The following RAP1GAP2 variants were observed in gnomAD, a reference collection of about 807,000 sequenced individuals.
RAP1GAP2 encodes the protein RAP1 GTPase activating protein 2, also known as rap1 GTPase-activating protein 2.
A neutral mutation model predicts 95.0 loss-of-function variants in RAP1GAP2; 27 were observed. That is an observed-to-expected ratio of 0.28 (90% confidence interval 0.21 to 0.39). RAP1GAP2 has a LOEUF of 0.39. Ranked by LOEUF, RAP1GAP2 falls within the 10% of genes least tolerant of loss-of-function variation. The probability of loss-of-function intolerance (pLI) is 1.00; values close to 1 mark genes in which losing one functional copy is unlikely to be tolerated. For missense variants in RAP1GAP2, 771 were observed against 970.0 expected (o/e 0.79, Z 2.72); for synonymous variants, 373 against 380.9 (o/e 0.98, Z 0.24).
At chr17:2,911,074 G>A (rs1248413809) in intron 3 of RAP1GAP2, among the ~76,000 whole-genome samples, 2 of 152,102 alleles carry the variant, frequency 1.3e-5, no homozygotes, top group Non-Finnish European at 2.9e-5. Context: ...CTCATCTCAC[G>A]CTTGCGGGCC....
Position 2,903,122 on chromosome 17 carries a change from G to T in RAP1GAP2, c.81-2162G>T, listed in dbSNP as rs1057076652. On this transcript the variant is annotated intron_variant, in intron 2 of 24. Transcript: ENST00000254695. The surrounding 1 kb of genome is among the most constrained non-coding windows in gnomAD (Gnocchi z 4.1). ...GCCCTATAGCATCTGGTGGGGGCTT[G>T]TTTTACTTCCCCTCCCTGCGTGCTT... Among the ~76,000 whole-genome samples, 1 of 152,164 alleles carries T rather than the reference G, an allele frequency of 6.6e-6. No homozygotes were observed. The highest frequency in any genetic ancestry group is 2.4e-5 in the African/African-American group (1 of 41,438).
chr17:2,933,807 A>C (rs2043226713), intron 3 of RAP1GAP2, among the ~76,000 whole-genome samples: 1 of 152,140 alleles, frequency 6.6e-6, no homozygotes, highest in Non-Finnish European at 1.5e-5. Flanking sequence ...GCTGAGCCCC[A>C]CTTTGGGGGA....
chr17:2,996,023 G>A lies in RAP1GAP2; in HGVS notation c.1044+557G>A, dbSNP rs114842131. 9.2e-3 allele frequency among the ~76,000 whole-genome samples: 1,401 copies of A among 152,294 alleles called. 17 individuals carry two copies. Among genetic ancestry groups the A allele is most frequent in the African/African-American group, 0.031 (1,302 of 41,542 alleles). ...ATACATTTCTGACTAGGGTTCATAC[G>A]ATGCCCAATTCATGGCTGGCTTCCT... On this transcript the variant is annotated intron_variant, in intron 13 of 24. Transcript: ENST00000254695.
At chr17:2,876,282 G>A (rs559803649) in intron 2 of RAP1GAP2, among the ~76,000 whole-genome samples, 92 of 152,160 alleles carry the variant, frequency 6.0e-4, no homozygotes, top group Non-Finnish European at 1.1e-3. Context: ...TAAAATATTC[G>A]AAGAGATTTA....
chr17:3,032,561 G>A, intron 24 of RAP1GAP2, 112 bp downstream of exon 24: 3 of 1,058,400 alleles, frequency 2.8e-6, no homozygotes, highest in Non-Finnish European at 2.9e-6. Context: ...GCCGCCAGCT[G>A]GGGATGTCCA....
chr17:2,761,184 A>G (rs910495219), intron 1 of RAP1GAP2, among the ~76,000 whole-genome samples: 1 of 148,958 alleles, frequency 6.7e-6, no homozygotes, highest in Non-Finnish European at 1.5e-5. Context: ...TGAACTCCTG[A>G]CCTTAAATGA....
At chr17:2,843,785 T>C (rs955658803) in intron 2 of RAP1GAP2, among the ~76,000 whole-genome samples, 6 of 152,150 alleles carry the variant, frequency 3.9e-5, no homozygotes, top group Non-Finnish European at 1.5e-5. Flanking sequence ...AGGTCACTAC[T>C]GGCCTTGCCT....
At chr17:2,995,647 G>A (rs115812867) in intron 13 of RAP1GAP2, among the ~76,000 whole-genome samples, 181 bp downstream of exon 13, 1 of 152,342 alleles carries the variant, frequency 6.6e-6, no homozygotes, top group African/African-American at 2.4e-5. Context: ...CTGTGCCTCA[G>A]CGGTCCGTTC....
chr17:2,998,408 G>C (rs1458579067), intron 14 of RAP1GAP2, 32 bp downstream of exon 14: 2 of 1,609,254 alleles, frequency 1.2e-6, no homozygotes, highest in Non-Finnish European at 1.7e-6. Context: ...AGGGAGTGGT[G>C]GGCCTCGACA....
intron 3 of RAP1GAP2, among the ~76,000 whole-genome samples, chr17:2,908,965 C>T (rs568909675): frequency 1.3e-5 from 2 of 152,232 alleles, no homozygotes; most frequent in South Asian, 4.1e-4. Context: ...CTTGACCTCC[C>T]AAAGTGCTGG....
intron 3 of RAP1GAP2, among the ~76,000 whole-genome samples, chr17:2,929,734 G>T (rs1256214989): frequency 6.6e-6 from 1 of 152,208 alleles, no homozygotes; most frequent in Non-Finnish European, 1.5e-5. Context: ...CTCCACGAAG[G>T]CAGTGGGCTC....
intron 1 of RAP1GAP2, among the ~76,000 whole-genome samples, chr17:2,766,558 C>T (rs1030725171): frequency 2.6e-5 from 4 of 151,740 alleles, no homozygotes; most frequent in Admixed American, 6.6e-5. Flanking sequence ...TGCTGTGAGC[C>T]GAGATCACGC....
chr17:2,992,703 G>A (rs533738063), intron 12 of RAP1GAP2, among the ~76,000 whole-genome samples: 1 of 152,272 alleles, frequency 6.6e-6, no homozygotes, highest in Admixed American at 6.5e-5. Context: ...GCACACAGCG[G>A]ATATTCACTA....
chr17:2,804,034 G>T (rs2069409914), intron 2 of RAP1GAP2, among the ~76,000 whole-genome samples: 1 of 152,216 alleles, frequency 6.6e-6, no homozygotes, highest in African/African-American at 2.4e-5. Flanking sequence ...AATTGATGAG[G>T]CAGCCAAATG....
chr17:2,764,197 T>G (rs1257177477), intron 1 of RAP1GAP2, among the ~76,000 whole-genome samples: 2 of 150,186 alleles, frequency 1.3e-5, no homozygotes, highest in African/African-American at 2.5e-5. Context: ...TTTGGGAGGC[T>G]GAGGCGGGTG....
In RAP1GAP2 at chr17:3,029,020, G is replaced by A. The variant is rs191787071; in HGVS notation, c.2108-1902G>A. On this transcript the variant is annotated intron_variant, in intron 22 of 24. Coordinates refer to ENST00000254695, the MANE Select transcript of RAP1GAP2 (RefSeq NM_015085.5). This position sits in a 1 kb window ranked among gnomAD's most constrained non-coding sequence, Gnocchi z 4.4. ...TCACCATGTTGGCCAGGCTGGTCTC[G>A]AACTCCTGACCTCGTGATCCACCCA... Among the ~76,000 whole-genome samples, 160 of 152,156 alleles carry A rather than the reference G, an allele frequency of 1.1e-3. No individual in the cohort carries two copies. Among genetic ancestry groups the A allele is most frequent in the Non-Finnish European group, 9.1e-4 (62 of 67,984 alleles).
At chr17:2,951,780 TC>T (rs2043932860) in intron 3 of RAP1GAP2, among the ~76,000 whole-genome samples, 1 of 152,026 alleles carries the variant, frequency 6.6e-6, no homozygotes, top group Non-Finnish European at 1.5e-5. Context: ...ACGCCTGTAA[TC>T]CCAGCACTTG....
intron 1 of RAP1GAP2, among the ~76,000 whole-genome samples, chr17:2,765,361 C>A (rs1263539866): frequency 6.6e-6 from 1 of 152,106 alleles, no homozygotes; most frequent in East Asian, 1.9e-4. Context: ...TAGCTAACAC[C>A]TGTAATCCCA....
chr17:2,853,762 C>CG (rs2071995470), intron 2 of RAP1GAP2, among the ~76,000 whole-genome samples: 1 of 147,032 alleles, frequency 6.8e-6, no homozygotes, highest in African/African-American at 2.4e-5. Context: ...ATGCCCGCGC[C>CG]GGGGGAGCGG....
Sources: gnomAD v4.1 joint callset for allele counts (sites outside exome capture counted in the v4.1 genomes callset) on GRCh38, gnomAD v4.1.1 for gene constraint, Gnocchi (gnomAD v3.1) non-coding constraint, MANE v1.5 for transcripts, NCBI Gene and HGNC (gene_info 2026-07-23, HGNC 2026-07-21) for gene names.